Variants in ELOVL2 observed in about 807,000 individuals in gnomAD.
ELOVL2 encodes the protein very long chain fatty acid elongase 2.
A neutral mutation model predicts 37.7 loss-of-function variants in ELOVL2; 38 were observed. The observed-to-expected ratio is 1.01, with a 90% CI of 0.78 to 1.32. ELOVL2 has a LOEUF of 1.32. ELOVL2 is among the 40% of genes most tolerant of loss of function. ELOVL2 has a pLI of 0.00. For missense variants in ELOVL2, 352 were observed against 363.6 expected, an observed-to-expected ratio of 0.97 and a Z score of 0.26; for synonymous variants, 115 against 122.3, an observed-to-expected ratio of 0.94 and a Z score of 0.40.
At chr6:10,993,283 TTAAAA>T (rs1249251692) in intron 5 of ELOVL2, among the ~76,000 whole-genome samples, 1 of 152,194 alleles carries the variant, frequency 6.6e-6, no homozygotes, top group Non-Finnish European at 1.5e-5. Flanking sequence ...GACACGGCTT[TTAAAA>T]TAAAATCTGA....
chr6:10,995,170 C>A lies in ELOVL2; in HGVS notation c.342G>T (p.Lys114Asn). The change falls in exon 5 of 8, where the codon AAG becomes AAT. Residue 114 changes from lysine (K) to asparagine (N), a missense_variant. Physicochemically the swap from Lys to Asn is moderately conservative, Grantham distance 94. Transcript: ENST00000354666. The stretch of plus-strand genomic sequence containing the variant: ...TGGAGAAATAGTACCACCAAAGCAC[C>A]TTGGCTACCTATAGAAATTTGTAAA... ...SAGEADIRVAKVLWWYYFSKS... is the reference protein window; with the variant it reads ...SAGEADIRVANVLWWYYFSKS... The A allele has an allele frequency of 6.2e-7, 1 of 1,603,144 alleles. No individual in the cohort carries two copies. The highest frequency in any genetic ancestry group is 2.2e-5 in the East Asian group (1 of 44,478).
intron 2 of ELOVL2, among the ~76,000 whole-genome samples, chr6:11,006,307 G>A (rs558581044): frequency 1.3e-5 from 2 of 152,212 alleles, no homozygotes; most frequent in East Asian, 1.9e-4. Context: ...AATACATCAG[G>A]GCCCCTTACA....
At chr6:11,030,507 G>A (rs1782913975) in intron 1 of ELOVL2, among the ~76,000 whole-genome samples, 1 of 151,642 alleles carries the variant, frequency 6.6e-6, no homozygotes, top group African/African-American at 2.4e-5. Context: ...TTGTTTTTTT[G>A]TTGAGATGGA....
intron 7 of ELOVL2, 69 bp from the exon 8 acceptor site, chr6:10,983,975 G>A: frequency 1.5e-6 from 2 of 1,365,544 alleles, no homozygotes; most frequent in Non-Finnish European, 2.0e-6. Flanking sequence ...CTTTAACAGT[G>A]CATATAGTTA....
At chr6:11,000,059 G>A in intron 4 of ELOVL2, 28 bp downstream of exon 4, 1 of 1,605,810 alleles carries the variant, frequency 6.2e-7, no homozygotes, top group South Asian at 1.1e-5. Context: ...ACTGGTTATA[G>A]TTGGTTGATT....
At position 11,019,472 on chromosome 6, in the gene ELOVL2, A is replaced by G. The variant is rs187588586; in HGVS notation, c.4-8663T>C. Among the ~76,000 whole-genome samples, 432 of 152,372 alleles carry G rather than the reference A, an allele frequency of 2.8e-3. 1 individual carries two copies. Among genetic ancestry groups the G allele is most frequent in the Non-Finnish European group, 4.6e-3 (316 of 68,032 alleles). On this transcript the variant is annotated intron_variant, in intron 1 of 7. Transcript: ENST00000354666. ...CCTGTAAGAAAGAAAATCAGAGTGC[A>G]ATCAGATAACATAAAGCACAAACTC...
At chr6:11,042,576 G>A (rs568112493) in intron 1 of ELOVL2, among the ~76,000 whole-genome samples, 1 of 151,956 alleles carries the variant, frequency 6.6e-6, no homozygotes, top group South Asian at 2.1e-4. Flanking sequence ...CAAAGCTTCA[G>A]AGCCCAAAAG....
At chr6:11,020,854 A>C (rs1176797931) in intron 1 of ELOVL2, among the ~76,000 whole-genome samples, 1 of 152,198 alleles carries the variant, frequency 6.6e-6, no homozygotes, top group East Asian at 1.9e-4. Flanking sequence ...AAGTGTGGTT[A>C]CTGTCACTAT....
chr6:11,044,180 G>C lies in ELOVL2; in HGVS notation c.3+48C>G. On this transcript the variant is annotated intron_variant, in intron 1 of 7. Transcript: ENST00000354666. This position sits in a 1 kb window ranked among gnomAD's most constrained non-coding sequence, Gnocchi z 5.6. ...TCCCGCCCGGTGCGTGGGTCCAGGA[G>C]AGAAAGAAAGCGCGGCGGTGTCGGT... 3 of 1,455,170 alleles carry C rather than the reference G, an allele frequency of 2.1e-6. No individual in the cohort carries two copies. The highest frequency in any genetic ancestry group is 2.7e-6 in the Non-Finnish European group (3 of 1,101,808). The allele number at this position is 1,455,170 out of a possible 1,614,324, so 90.1% of individuals were successfully genotyped here.
At position 10,990,427 on chromosome 6, in the gene ELOVL2, G is replaced by T. The variant is rs1236984108; in HGVS notation, c.521C>A (p.Thr174Lys). Reference sequence around the variant, plus strand: ...AAGAATGTGGATAAAACTGTTCAGTGTTGGTCCAAAGAAACCTATAAAAGT... The same window carrying T: ...AAGAATGTGGATAAAACTGTTCAGTTTTGGTCCAAAGAAACCTATAAAAGT... ...IPCGQSFFGPTLNSFIHILMY... is the reference protein window; with the variant it reads ...IPCGQSFFGPKLNSFIHILMY... Residue 174 changes from threonine (T) to lysine (K), a missense_variant, in exon 6 of 8, where the codon ACA becomes AAA. Transcript: ENST00000354666. 6.3e-7 allele frequency: 1 copy of T among 1,597,554 alleles called. No individual in the cohort carries two copies. The highest frequency in any genetic ancestry group is 1.8e-5 in the Admixed American group (1 of 55,758).
intron 1 of ELOVL2, among the ~76,000 whole-genome samples, chr6:11,011,628 A>G (rs1782585353): frequency 6.6e-6 from 1 of 152,124 alleles, no homozygotes; most frequent in South Asian, 2.1e-4. Context: ...CATTACAGCT[A>G]TTTTTTCTAT....
At chr6:11,019,460 AAATCAGAGTGC>A (rs1465803395) in intron 1 of ELOVL2, among the ~76,000 whole-genome samples, 1 of 152,260 alleles carries the variant, frequency 6.6e-6, no homozygotes, top group Non-Finnish European at 1.5e-5. Context: ...GTAAGAAAGA[AAATCAGAGTGC>A]AATCAGATAA....
intron 1 of ELOVL2, among the ~76,000 whole-genome samples, chr6:11,023,118 A>T (rs55751941): frequency 0.086 from 13,129 of 152,288 alleles, 1,701 homozygotes; most frequent in African/African-American, 0.28. Flanking sequence ...TATTACAACT[A>T]CTTCTTCCAC....
intron 1 of ELOVL2, among the ~76,000 whole-genome samples, chr6:11,017,990 A>G (rs1409692363): frequency 2.6e-5 from 4 of 152,214 alleles, no homozygotes; most frequent in Admixed American, 2.0e-4. Context: ...TTTCATACAC[A>G]TGATCTGGTT....
intron 5 of ELOVL2, among the ~76,000 whole-genome samples, chr6:10,990,896 T>C (rs1278524492): frequency 6.6e-6 from 1 of 152,196 alleles, no homozygotes; most frequent in African/African-American, 2.4e-5. Context: ...ACAAAATATA[T>C]TGCTTTCATA....
intron 2 of ELOVL2, among the ~76,000 whole-genome samples, chr6:11,007,728 G>A (rs1219586429): frequency 6.6e-6 from 1 of 152,138 alleles, no homozygotes; most frequent in Non-Finnish European, 1.5e-5. Flanking sequence ...CCCAACTATA[G>A]TACATGCTCC....
Position 11,044,244 on chromosome 6 carries a change from T to A in ELOVL2, c.-14A>T. Reference sequence around the variant, plus strand: ...CCCACTCACCATGATCCGCAGCGGCTGTGGCGCGGCGACCCGGGCGGGCGG... The same window carrying A: ...CCCACTCACCATGATCCGCAGCGGCAGTGGCGCGGCGACCCGGGCGGGCGG... On this transcript the variant is annotated 5_prime_UTR_variant, in exon 1 of 8. Coordinates refer to ENST00000354666, the MANE Select transcript of ELOVL2 (RefSeq NM_017770.4). The surrounding 1 kb of genome is among the most constrained non-coding windows in gnomAD (Gnocchi z 5.6). 3.0e-6 allele frequency: 4 copies of A among 1,350,464 alleles called. No individual in the cohort carries two copies. The highest frequency in any genetic ancestry group is 2.9e-4 in the Middle Eastern group (1 of 3,482). 83.7% of individuals were successfully genotyped at this position (1,350,464 alleles called of 1,614,324 possible). A position where few individuals can be genotyped will look rare whatever the true frequency, so the allele number is the denominator to read the frequency against.
chr6:10,997,687 T>C (rs190269800), intron 4 of ELOVL2, among the ~76,000 whole-genome samples: 6 of 152,372 alleles, frequency 3.9e-5, no homozygotes, highest in African/African-American at 1.4e-4. Context: ...TTTACAGGCT[T>C]GATTAGACTC....
At chr6:10,984,030 C>G in intron 7 of ELOVL2, 124 bp from the exon 8 acceptor site, 1 of 924,768 alleles carries the variant, frequency 1.1e-6, no homozygotes. Flanking sequence ...CTGTTTTTGT[C>G]TTTTTGAGGC....
Sources: gnomAD v4.1 joint callset for allele counts (sites outside exome capture counted in the v4.1 genomes callset) on GRCh38, gnomAD v4.1.1 for gene constraint, Gnocchi (gnomAD v3.1) non-coding constraint, MANE v1.5 for transcripts, NCBI Gene and HGNC (gene_info 2026-07-23, HGNC 2026-07-21) for gene names.